IMPA1: variants seen among roughly 807,000 people sequenced by gnomAD.
IMPA1 encodes the protein D-galactose 1-phosphate phosphatase.
In IMPA1, 21 loss-of-function variants were observed where a neutral mutation model predicts 34.9. The observed-to-expected ratio is 0.60, with a 90% CI of 0.43 to 0.87. IMPA1 has a LOEUF of 0.87. Ranked by LOEUF, IMPA1 falls within the 40% of genes least tolerant of loss-of-function variation. IMPA1 has a pLI of 0.00. For synonymous variants in IMPA1, 95 were observed against 104.4 expected, an observed-to-expected ratio of 0.91 and a Z score of 0.55; for missense variants, 299 against 336.4, an observed-to-expected ratio of 0.89 and a Z score of 0.87.
chr8:81,670,967 C>T lies in IMPA1; in HGVS notation c.538G>A (p.Glu180Lys). ...ETVRMVLSNM[E>K]KLFCIPVHGI... ...TGAACAGGAATGCAAAAAAGCTTTT[C>T]CATATTAGAAAGAACCATTCTCACA... The change falls in exon 7 of 9, where the codon GAA becomes AAA. Residue 180 changes from glutamate (E) to lysine (K), a missense_variant. By Grantham distance (56) the Glu-to-Lys change is moderately conservative. Coordinates refer to ENST00000256108, the MANE Select transcript of IMPA1 (RefSeq NM_005536.4). 1 of 1,533,472 alleles carries T rather than the reference C, an allele frequency of 6.5e-7. No homozygotes were observed. The highest frequency in any genetic ancestry group is 1.4e-5 in the African/African-American group (1 of 69,762). The allele number at this position is 1,533,472 out of a possible 1,614,324, so 95.0% of individuals were successfully genotyped here.
chr8:81,672,839 C>T (rs766700259), intron 6 of IMPA1, among the ~76,000 whole-genome samples: 1 of 152,096 alleles, frequency 6.6e-6, no homozygotes, highest in Non-Finnish European at 1.5e-5. Context: ...CACCCATTTA[C>T]TTTGTAGTAA....
rs112751957 is a variant in IMPA1 at position 81,685,708 on chromosome 8, T to C, written c.-25+544A>G. On this transcript the variant is annotated intron_variant, in intron 1 of 8. Transcript: ENST00000256108. Reference sequence around the variant, plus strand: ...GTTATATATAATATATGAATAGTTATATATATATAAATCACAGTACATTTA... The same window carrying C: ...GTTATATATAATATATGAATAGTTACATATATATAAATCACAGTACATTTA... 53,619 of 918,716 alleles carry C rather than the reference T, an allele frequency of 0.058. 2,075 individuals are homozygous for C. Among genetic ancestry groups the C allele is most frequent in the East Asian group, 0.15 (3,695 of 24,456 alleles). The allele number at this position is 918,716 out of a possible 1,614,324, so 56.9% of individuals were successfully genotyped here. A position where few individuals can be genotyped will look rare whatever the true frequency, so the allele number is the denominator to read the frequency against.
intron 7 of IMPA1, among the ~76,000 whole-genome samples, chr8:81,667,468 T>C (rs1208645515): frequency 6.6e-6 from 1 of 152,106 alleles, no homozygotes; most frequent in Non-Finnish European, 1.5e-5. Context: ...TCTAGGTTCA[T>C]GGCTTATAGG....
intron 7 of IMPA1, among the ~76,000 whole-genome samples, chr8:81,664,409 G>C (rs1312091187): frequency 6.6e-6 from 1 of 152,166 alleles, no homozygotes; most frequent in East Asian, 1.9e-4. Flanking sequence ...GAAGCCCGTA[G>C]ATACACAGAG....
At position 81,667,886 on chromosome 8, in the gene IMPA1, C is replaced by T. The variant is rs191960829; in HGVS notation, c.566+3053G>A. On this transcript the variant is annotated intron_variant, in intron 7 of 8. Coordinates refer to ENST00000256108, the MANE Select transcript of IMPA1 (RefSeq NM_005536.4). Reference sequence around the variant, plus strand: ...TTACCCAGGCTGGAGTGCAGTGACACGATCTCGGCTCACTGCAAGCTCCGC... The same window carrying T: ...TTACCCAGGCTGGAGTGCAGTGACATGATCTCGGCTCACTGCAAGCTCCGC... 2.5e-3 allele frequency among the ~76,000 whole-genome samples: 379 copies of T among 151,182 alleles called. 1 individual carries two copies. The highest frequency in any genetic ancestry group is 8.4e-3 in the African/African-American group (347 of 41,144).
intron 6 of IMPA1, among the ~76,000 whole-genome samples, chr8:81,672,313 C>T (rs1807009721): frequency 6.6e-6 from 1 of 152,174 alleles, no homozygotes; most frequent in South Asian, 2.1e-4. Flanking sequence ...AAGTTTTAAT[C>T]TGCAGAATGC....
At chr8:81,682,521 C>G (rs186026758) in intron 1 of IMPA1, among the ~76,000 whole-genome samples, 2 of 152,278 alleles carry the variant, frequency 1.3e-5, no homozygotes, top group African/African-American at 4.8e-5. Context: ...AAATTTCTTC[C>G]TGATGCTTTT....
intron 5 of IMPA1, 189 bp from the exon 6 acceptor site, chr8:81,674,138 A>T: frequency 2.0e-6 from 1 of 488,890 alleles, no homozygotes; most frequent in Non-Finnish European, 3.6e-6. Context: ...GATATCCTTG[A>T]CTCTCCTCCC....
intron 7 of IMPA1, 59 bp downstream of exon 7, chr8:81,670,879 AG>A: frequency 1.3e-6 from 1 of 767,342 alleles, no homozygotes; most frequent in Non-Finnish European, 2.1e-6. Context: ...GAAAAAAAAA[AG>A]GTGTGTGCAC....
chr8:81,676,655 T>C (rs150411066), intron 4 of IMPA1, among the ~76,000 whole-genome samples: 1 of 152,286 alleles, frequency 6.6e-6, no homozygotes, highest in African/African-American at 2.4e-5. Flanking sequence ...TTCTATCTTT[T>C]GAAGGTCAAA....
At chr8:81,673,035 C>T (rs1475811208) in intron 6 of IMPA1, among the ~76,000 whole-genome samples, 1 of 152,202 alleles carries the variant, frequency 6.6e-6, no homozygotes, top group Non-Finnish European at 1.5e-5. Context: ...CCATTTAATT[C>T]CTAAATAAGA....
chr8:81,663,592 T>G (rs746885465), intron 7 of IMPA1, among the ~76,000 whole-genome samples: 67 of 152,340 alleles, frequency 4.4e-4, no homozygotes, highest in Admixed American at 1.1e-3. Flanking sequence ...TGATCAGTTC[T>G]AGGACTCTTA....
Position 81,657,242 on chromosome 8 carries a change from T to C in IMPA1, c.*2109A>G, listed in dbSNP as rs904060576. Among the ~76,000 whole-genome samples, 1 of 152,104 alleles carries C rather than the reference T, an allele frequency of 6.6e-6. No homozygotes were observed. The highest frequency in any genetic ancestry group is 2.4e-5 in the African/African-American group (1 of 41,434). On this transcript the variant is annotated 3_prime_UTR_variant, in exon 9 of 9. Coordinates refer to ENST00000256108, the MANE Select transcript of IMPA1 (RefSeq NM_005536.4). ...AGATTACAGGCAAAAAATAAGAACA[T>C]ATATTAAATTACATTTGCAAGTTTC...
intron 7 of IMPA1, among the ~76,000 whole-genome samples, chr8:81,665,215 GAATTA>G (rs1461983003): frequency 6.6e-6 from 1 of 151,878 alleles, no homozygotes; most frequent in Non-Finnish European, 1.5e-5. Flanking sequence ...AATCGAATCC[GAATTA>G]AATATTTTCA....
In IMPA1 at chr8:81,678,900, C is replaced by T. The variant is rs1431901344; in HGVS notation, c.302+226G>A. On this transcript the variant is annotated intron_variant, in intron 4 of 8. Transcript: ENST00000256108. ...AAAGAATGGTGAACGGGGCACTTGG[C>T]ACCACAGGACAAGATCACATTAGTA... 2.0e-5 allele frequency among the ~76,000 whole-genome samples: 3 copies of T among 152,112 alleles called. No homozygotes were observed. The East Asian group carries it at 5.8e-4, about 29-fold the overall frequency.
chr8:81,677,628 T>C (rs1324896320), intron 4 of IMPA1, among the ~76,000 whole-genome samples: 4 of 152,238 alleles, frequency 2.6e-5, no homozygotes, highest in African/African-American at 7.2e-5. Context: ...CATTCAACTA[T>C]TGAAGCTAAA....
chr8:81,676,382 A>G, intron 4 of IMPA1, 103 bp from the exon 5 acceptor site: 1 of 534,646 alleles, frequency 1.9e-6, no homozygotes, highest in East Asian at 3.4e-5. Flanking sequence ...TTTTTCCTAT[A>G]AAAAGTCTCA....
In IMPA1 at chr8:81,660,662, C is replaced by T. The variant is rs779184992; in HGVS notation, c.572G>A (p.Arg191Gln). The T allele has an allele frequency of 6.2e-6, 10 of 1,600,786 alleles. No individual in the cohort carries two copies. Among genetic ancestry groups the T allele is most frequent in the Admixed American group, 1.7e-5 (1 of 58,248 alleles). ...KLFCIPVHGI[R>Q]SVGTAAVNMC... Reference sequence around the variant, plus strand: ...ATTAACAGCTGCTGTTCCAACACTCCGGATCCTAACAAATAGAATTTAGAA... The same window carrying T: ...ATTAACAGCTGCTGTTCCAACACTCTGGATCCTAACAAATAGAATTTAGAA... The change falls in exon 8 of 9, where the codon CGG (arginine) becomes CAG (glutamine). Residue 191 changes from arginine (R) to glutamine (Q), a missense_variant. Transcript: ENST00000256108.
At chr8:81,686,040 G>A in intron 1 of IMPA1, 1 of 1,223,500 alleles carries the variant, frequency 8.2e-7, no homozygotes, top group Non-Finnish European at 1.1e-6. Flanking sequence ...GGTCGCGTGA[G>A]CGAACCGCTA....
Sources: allele counts gnomAD v4.1 joint callset (sites outside exome capture counted in the v4.1 genomes callset), GRCh38; gene constraint gnomAD v4.1.1; transcripts MANE v1.5; gene names NCBI Gene and HGNC (gene_info 2026-07-23, HGNC 2026-07-21).